The following GNA12 variants were observed in gnomAD, a reference collection of about 807,000 sequenced individuals.
GNA12 encodes G protein subunit alpha 12, also known as guanine nucleotide-binding protein subunit alpha-12.
GNA12 carries 9 observed loss-of-function variants against 26.0 expected under a neutral mutation model. The observed-to-expected ratio is 0.35, with a 90% confidence interval of 0.21 to 0.60. GNA12 has a LOEUF of 0.60. GNA12 is among the 20% of genes least tolerant of loss of function. The pLI, the probability that GNA12 is intolerant of heterozygous loss-of-function variation, is 0.78. For synonymous variants in GNA12, 264 were observed against 219.6 expected, an observed-to-expected ratio of 1.20 and a Z score of -1.79; for missense variants, 405 against 525.8, an observed-to-expected ratio of 0.77 and a Z score of 2.25.
In GNA12 at chr7:2,734,713, A is replaced by C. The variant is rs983617810; in HGVS notation, c.526-1212T>G. On this transcript the variant is annotated intron_variant, in intron 2 of 3. Transcript: ENST00000275364. ...AGAACGAAGGCCTCTGGATGTTTTC[A>C]AAGTGAGTGTTTTGTTTGAGGGGAC... Among the ~76,000 whole-genome samples the C allele has an allele frequency of 2.0e-5, 3 of 152,338 alleles. No individual in the cohort carries two copies. In the East Asian group the frequency reaches 5.8e-4, roughly 29 times the overall value.
rs1793190994 is a variant in GNA12, at chr7:2,815,228, A to T, written c.310-20085T>A. ...TGTGCTCTCAAGGAGGAAGCCAGTC[A>T]GCGGACCTACAGTCAAGGAGGCTGC... is the stretch of plus-strand genomic sequence containing the variant. On this transcript the variant is annotated intron_variant, in intron 1 of 3. Transcript: ENST00000275364. 4 of 343,200 alleles carry T rather than the reference A, an allele frequency of 1.2e-5. No homozygotes were observed. The East Asian group carries it at 2.8e-4, about 24-fold the overall frequency. The allele number at this position is 343,200 out of a possible 1,614,324, so 21.3% of individuals were successfully genotyped here. A position where few individuals can be genotyped will look rare whatever the true frequency, so the allele number is the denominator to read the frequency against.
At chr7:2,763,570 G>T (rs530214087) in intron 2 of GNA12, among the ~76,000 whole-genome samples, 2 of 152,212 alleles carry the variant, frequency 1.3e-5, no homozygotes, top group Non-Finnish European at 2.9e-5. Flanking sequence ...GTAATCTAAG[G>T]CTAGCTCGAA....
rs1192953347 is a variant in GNA12, at chr7:2,794,958, C to T, written c.495G>A (p.Glu165=). 4 of 1,614,234 alleles carry T rather than the reference C, an allele frequency of 2.5e-6. No homozygotes were observed. The South Asian group carries it at 3.3e-5, about 13-fold the overall frequency. ...SALWRDSGIR[E]AFSRRSEFQL... The stretch of plus-strand genomic sequence containing the variant: ...GAAACTCGCTTCTCCGGCTGAAAGC[C>T]TCCCTGATGCCAGAATCCCTCCAGA... Residue 165 remains glutamate, a synonymous_variant, in exon 2 of 4, where the codon GAG becomes GAA. Transcript: ENST00000275364.
chr7:2,814,760 G>C (rs377431912), intron 1 of GNA12: 1 of 937,810 alleles, frequency 1.1e-6, no homozygotes, highest in South Asian at 1.5e-5. Context: ...TTATCAGCCT[G>C]TCCAACACAC....
At chr7:2,781,407 A>AGTGTGTGT (rs1444568534) in intron 2 of GNA12, among the ~76,000 whole-genome samples, 3 of 58,858 alleles carry the variant, frequency 5.1e-5, no homozygotes, top group South Asian at 6.5e-4. Context: ...TTTCAAAGTA[A>AGTGTGTGT]GTGTCTGTGT....
chr7:2,806,506 T>C (rs898912993), intron 1 of GNA12, among the ~76,000 whole-genome samples: 1 of 151,148 alleles, frequency 6.6e-6, no homozygotes, highest in Non-Finnish European at 1.5e-5. Flanking sequence ...AAAGAACTTG[T>C]CTTTTTCTGA....
At chr7:2,828,146 A>G (rs1311036407) in intron 1 of GNA12, among the ~76,000 whole-genome samples, 1 of 152,234 alleles carries the variant, frequency 6.6e-6, no homozygotes, top group Non-Finnish European at 1.5e-5. Flanking sequence ...ATTCAAGATT[A>G]CAAAAATTGT....
intron 2 of GNA12, among the ~76,000 whole-genome samples, chr7:2,741,015 T>C (rs1583218361): frequency 6.6e-6 from 1 of 151,922 alleles, no homozygotes; most frequent in Non-Finnish European, 1.5e-5. Flanking sequence ...ACTGCACTCC[T>C]GCCTGGGCGA....
At chr7:2,796,976 C>T (rs903638633) in intron 1 of GNA12, among the ~76,000 whole-genome samples, 41 of 152,156 alleles carry the variant, frequency 2.7e-4, no homozygotes, top group Non-Finnish European at 4.3e-4. Context: ...ATGGTCTACA[C>T]TGGGGGTATA....
intron 1 of GNA12, among the ~76,000 whole-genome samples, chr7:2,831,434 C>A (rs2114973440): frequency 1.5e-5 from 2 of 132,792 alleles, no homozygotes; most frequent in Middle Eastern, 8.2e-3. Flanking sequence ...GATGGAGTCT[C>A]ACTCTGTCGC....
chr7:2,786,775 G>C (rs2115444147), intron 2 of GNA12, among the ~76,000 whole-genome samples: 1 of 152,276 alleles, frequency 6.6e-6, no homozygotes, highest in South Asian at 2.1e-4. Flanking sequence ...GTGTCTCTGA[G>C]CTGCTATAAC....
chr7:2,791,316 A>G (rs899525893), intron 2 of GNA12, among the ~76,000 whole-genome samples: 2 of 152,182 alleles, frequency 1.3e-5, no homozygotes, highest in African/African-American at 4.8e-5. Context: ...GCTGTCTGTG[A>G]CCAGCAGTGG....
chr7:2,792,508 T>C (rs959337576), intron 2 of GNA12, among the ~76,000 whole-genome samples: 1 of 152,194 alleles, frequency 6.6e-6, no homozygotes, highest in Non-Finnish European at 1.5e-5. Context: ...CTCAGTACGA[T>C]CAGCCCCAGA....
In GNA12 at chr7:2,730,723, G is replaced by C. The variant is rs1382508451; in HGVS notation, c.*458C>G. The C allele has an allele frequency of 6.2e-6, 1 of 160,788 alleles. No homozygotes were observed. The highest frequency in any genetic ancestry group is 1.7e-4 in the East Asian group (1 of 5,912). 10.0% of individuals were successfully genotyped at this position (160,788 alleles called of 1,614,324 possible). On this transcript the variant is annotated 3_prime_UTR_variant, in exon 4 of 4. Coordinates refer to ENST00000275364, the MANE Select transcript of GNA12 (RefSeq NM_007353.3). ...ACTGGATCTCTACAAGCTACTGTTA[G>C]GCAAAGCTTTCAGGTTAGTCTGTCT...
chr7:2,744,513 A>C (rs1790671780), intron 2 of GNA12, among the ~76,000 whole-genome samples: 1 of 152,220 alleles, frequency 6.6e-6, no homozygotes, highest in African/African-American at 2.4e-5. Context: ...CCAAAAACCC[A>C]TCTGTACGTC....
intron 1 of GNA12, among the ~76,000 whole-genome samples, chr7:2,816,077 A>G (rs1793211373): frequency 6.6e-6 from 1 of 152,220 alleles, no homozygotes; most frequent in Admixed American, 6.5e-5. Flanking sequence ...ACACGGACAC[A>G]CAGTGCAGCA....
At chr7:2,810,120 G>A (rs972202334) in intron 1 of GNA12, among the ~76,000 whole-genome samples, 6 of 152,186 alleles carry the variant, frequency 3.9e-5, no homozygotes, top group African/African-American at 1.2e-4. Context: ...GTGTTAGTCT[G>A]GGCTGCTATA....
intron 2 of GNA12, among the ~76,000 whole-genome samples, chr7:2,761,084 A>C (rs1791531717): frequency 6.6e-6 from 1 of 152,220 alleles, no homozygotes; most frequent in African/African-American, 2.4e-5. Flanking sequence ...CGCATCTCAT[A>C]GAAAGCATTT....
intron 1 of GNA12, among the ~76,000 whole-genome samples, chr7:2,828,691 A>G (rs1793537083): frequency 6.6e-6 from 1 of 152,242 alleles, no homozygotes; most frequent in African/African-American, 2.4e-5. Flanking sequence ...ACTTCAGTTT[A>G]GCAGGTGGTC....
Sources: allele counts gnomAD v4.1 joint callset (sites outside exome capture counted in the v4.1 genomes callset), GRCh38; gene constraint gnomAD v4.1.1; transcripts MANE v1.5; gene names NCBI Gene and HGNC (gene_info 2026-07-23, HGNC 2026-07-21).